Variants in LCOR observed in about 807,000 individuals in gnomAD.
The protein encoded by LCOR is ligand-dependent corepressor.
LCOR carries 14 observed loss-of-function variants against 64.4 expected under a neutral mutation model. That is an observed-to-expected ratio of 0.22 (90% CI 0.14 to 0.34). LCOR has a LOEUF of 0.34. LCOR is among the 10% of genes least tolerant of loss of function. The pLI is 1.00. For missense variants in LCOR, 1,686 were observed against 1,765.3 expected (o/e 0.96, Z 0.80); for synonymous variants, 643 against 642.5 (o/e 1.00, Z -0.01).
chr10:96,948,840 T>C (rs1352839789), intron 5 of LCOR, among the ~76,000 whole-genome samples, 168 bp from the exon 6 acceptor site: 3 of 152,102 alleles, frequency 2.0e-5, no homozygotes, highest in Non-Finnish European at 2.9e-5. Context: ...AAATTTTATT[T>C]TTAAAAATAG....
chr10:96,977,833 C>T (rs1358498366), intron 7 of LCOR, among the ~76,000 whole-genome samples: 2 of 152,160 alleles, frequency 1.3e-5, no homozygotes, highest in African/African-American at 4.8e-5. Flanking sequence ...TTAGCAAGCA[C>T]AGCTAGCCCA....
rs1847630433 is a variant in LCOR at position 96,948,893 on chromosome 10, T to C, written c.-50-115T>C. The C allele has an allele frequency of 5.4e-6, 4 of 743,862 alleles. No homozygotes were observed. In the East Asian group the frequency reaches 1.1e-4, roughly 20 times the overall value. 46.1% of individuals were successfully genotyped at this position (743,862 alleles called of 1,614,324 possible). ...AAAACATAAGTCAAAGGGGAGATAC[T>C]ATTTTTAAGATAACTGCATTTTAAG... On this transcript the variant is annotated intron_variant, in intron 5 of 7. Transcript: ENST00000421806.
At chr10:96,900,768 C>A (rs1455546024) in intron 2 of LCOR, among the ~76,000 whole-genome samples, 25 of 151,974 alleles carry the variant, frequency 1.6e-4, no homozygotes, top group Admixed American at 1.6e-3. Flanking sequence ...TTCTACTTCC[C>A]AAATCAGAGA....
At position 96,832,335 on chromosome 10, in the gene LCOR, C is replaced by T. The variant is rs536026865; in HGVS notation, c.-468C>T. 3.0e-5 allele frequency: 30 copies of T among 984,594 alleles called. No homozygotes were observed. The East Asian group carries it at 1.8e-3, about 60-fold the overall frequency. The allele number at this position is 984,594 out of a possible 1,614,324, so 61.0% of individuals were successfully genotyped here. A position where few individuals can be genotyped will look rare whatever the true frequency, so the allele number is the denominator to read the frequency against. On this transcript the variant is annotated 5_prime_UTR_variant, in exon 1 of 8. Transcript: ENST00000421806. ...GGGTGTGTAGGCGGCAGCAATGCTC[C>T]GTTGAGAGACGCGGCTTTCGGCAAG...
intron 7 of LCOR, chr10:96,957,737 G>A (rs1847808379): frequency 3.0e-6 from 3 of 985,262 alleles, no homozygotes; most frequent in Admixed American, 1.2e-4. Flanking sequence ...CAACCTGTGT[G>A]TTCAAAGGTT....
At chr10:96,947,644 A>G (rs1391397708) in intron 5 of LCOR, among the ~76,000 whole-genome samples, 3 of 152,290 alleles carry the variant, frequency 2.0e-5, no homozygotes, top group Non-Finnish European at 4.4e-5. Context: ...CAGGTAAAAC[A>G]GTAAGATCAG....
intron 2 of LCOR, among the ~76,000 whole-genome samples, chr10:96,838,648 A>G (rs917512944): frequency 1.2e-4 from 18 of 152,216 alleles, no homozygotes; most frequent in African/African-American, 4.3e-4. Context: ...ATGTTGTAGC[A>G]TTATCAGCAC....
chr10:96,894,530 T>A (rs1368384072), intron 2 of LCOR, among the ~76,000 whole-genome samples: 2 of 152,180 alleles, frequency 1.3e-5, no homozygotes, highest in African/African-American at 4.8e-5. Context: ...ACTAAGCAGT[T>A]TGAATTTTAT....
chr10:96,891,790 G>C (rs989916360), intron 2 of LCOR, among the ~76,000 whole-genome samples: 1 of 151,860 alleles, frequency 6.6e-6, no homozygotes, highest in Non-Finnish European at 1.5e-5. Flanking sequence ...GTGATCACCT[G>C]CCTCGGCCTC....
intron 7 of LCOR, among the ~76,000 whole-genome samples, chr10:96,973,917 T>C (rs974098099): frequency 2.6e-5 from 4 of 152,236 alleles, no homozygotes; most frequent in African/African-American, 9.6e-5. Flanking sequence ...TTCACCTCCA[T>C]GCCAAATCTC....
At chr10:96,879,949 C>T (rs1846234163) in intron 2 of LCOR, among the ~76,000 whole-genome samples, 1 of 152,206 alleles carries the variant, frequency 6.6e-6, no homozygotes, top group Admixed American at 6.5e-5. Context: ...AGGTGTGAGC[C>T]ACCGTGCCCG....
Position 96,984,410 on chromosome 10 carries a change from G to A in LCOR, c.3950G>A (p.Arg1317Gln), listed in dbSNP as rs193262451. The A allele has an allele frequency of 6.2e-6, 10 of 1,614,176 alleles. No homozygotes were observed. The highest frequency in any genetic ancestry group is 1.7e-4 in the Middle Eastern group (1 of 6,060). ...TRILRKYSNIRGKLRAQQRLI... is the reference protein window; with the variant it reads ...TRILRKYSNIQGKLRAQQRLI... ...ATTCTTAGAAAATATTCCAATATTC[G>A]AGGAAAGCTCAGAGCCCAGCAACGT... is the stretch of plus-strand genomic sequence containing the variant. Residue 1317 changes from arginine (R) to glutamine (Q), a missense_variant, in exon 8 of 8, where the codon CGA becomes CAA. By Grantham distance (43) the Arg-to-Gln change is conservative. This residue lies in a region of LCOR where 1,293 missense variants were observed against 1,410.4 expected (regional missense o/e 0.92). Transcript: ENST00000421806.
chr10:96,932,860 C>T (rs1847286407), intron 4 of LCOR, among the ~76,000 whole-genome samples: 1 of 152,068 alleles, frequency 6.6e-6, no homozygotes, highest in Non-Finnish European at 1.5e-5. Flanking sequence ...TATAACTTTT[C>T]CTTAGAAAAA....
At chr10:96,832,913 C>T (rs1845369314) in intron 1 of LCOR, 3 of 880,418 alleles carry the variant, frequency 3.4e-6, no homozygotes, top group Non-Finnish European at 4.1e-6. Context: ...GGTCTGCGTG[C>T]ACGCGCGGCG....
chr10:96,927,441 T>C (rs888167596), intron 4 of LCOR, among the ~76,000 whole-genome samples: 1 of 152,064 alleles, frequency 6.6e-6, no homozygotes, highest in African/African-American at 2.4e-5. Flanking sequence ...TTTCTTTGCG[T>C]CATTTGAAAA....
intron 4 of LCOR, among the ~76,000 whole-genome samples, chr10:96,938,894 T>C (rs866369451): frequency 6.6e-6 from 1 of 152,234 alleles, no homozygotes; most frequent in Non-Finnish European, 1.5e-5. Flanking sequence ...GACATGTTCA[T>C]GGATCAGAAG....
chr10:96,982,656 G>A lies in LCOR; in HGVS notation c.2196G>A (p.Glu732=), dbSNP rs1848102673. 1 of 1,614,168 alleles carries A rather than the reference G, an allele frequency of 6.2e-7. No individual in the cohort carries two copies. The highest frequency in any genetic ancestry group is 8.5e-7 in the Non-Finnish European group (1 of 1,180,044). Residue 732 remains glutamate, a synonymous_variant, in exon 8 of 8, where the codon GAG becomes GAA. Transcript: ENST00000421806. ...AGGACAACCAAAGCATCAGTGCTGA[G>A]GTTGAGTCTGGAGACACCCAGGAGC... is the stretch of plus-strand genomic sequence containing the variant. ...KAEDNQSISA[E]VESGDTQELN... is the part of the protein sequence containing the mutation.
chr10:96,908,221 A>G (rs888697802), intron 4 of LCOR: 3 of 152,088 alleles, frequency 2.0e-5, no homozygotes, highest in South Asian at 2.1e-4. Context: ...TGAACTCCTA[A>G]CCTCAAGTGA....
chr10:96,892,793 T>C (rs988788219), intron 2 of LCOR, among the ~76,000 whole-genome samples: 8 of 152,170 alleles, frequency 5.3e-5, no homozygotes, highest in Non-Finnish European at 1.0e-4. Flanking sequence ...TTTTCTTTTC[T>C]TTCACCTTCA....
Sources: gnomAD v4.1 joint callset for allele counts (sites outside exome capture counted in the v4.1 genomes callset) on GRCh38, gnomAD v4.1.1 for gene constraint, gnomAD v4.1.1 regional missense constraint, MANE v1.5 for transcripts, NCBI Gene and HGNC (gene_info 2026-07-23, HGNC 2026-07-21) for gene names.